Variants in RS1 observed in about 807,000 individuals in gnomAD.
RS1 encodes retinoschisin 1, also known as retinoschisin.
Under a neutral mutation model 20.8 loss-of-function variants are expected in RS1, and 2 were observed. The ratio of observed to expected loss-of-function variants is 0.10; its 90% CI spans 0.04 to 0.30. The LOEUF (loss-of-function observed/expected upper bound fraction) is 0.30. RS1 is among the 10% of genes least tolerant of loss of function. The pLI is 1.00. For missense variants in RS1, 151 were observed against 189.8 expected (o/e 0.80, Z 1.20); for synonymous variants, 70 against 75.8 (o/e 0.92, Z 0.40).
rs533057829 is a variant in RS1 at position 18,664,356 on chromosome X, G to A, written c.53-6691C>T. Among the ~76,000 whole-genome samples, 4 of 112,447 alleles carry A rather than the reference G, an allele frequency of 3.6e-5. No homozygotes were observed. In the South Asian group the frequency reaches 1.1e-3, roughly 31 times the overall value. On this transcript the variant is annotated intron_variant, in intron 1 of 5. Coordinates refer to ENST00000379984, the MANE Select transcript of RS1 (RefSeq NM_000330.4). ...AAAACGTACAAAAGGGGCCGGGCGC[G>A]GTGGCTCACGCCTGTAATCCCAGCA...
Position 18,650,476 on chromosome X carries a change from A to G in RS1, c.185-3144T>C, listed in dbSNP as rs953726340. ...CCGTGCGTCCCAAACCGAGCCCTTC[A>G]TCGTCCAATCTCCAGTCCTGCTCCC... On this transcript the variant is annotated intron_variant, in intron 3 of 5. Coordinates refer to ENST00000379984, the MANE Select transcript of RS1 (RefSeq NM_000330.4). The G allele has an allele frequency of 1.7e-6, 2 of 1,210,164 alleles. No individual in the cohort carries two copies. Among genetic ancestry groups the G allele is most frequent in the South Asian group, 1.8e-5 (1 of 56,859 alleles).
intron 1 of RS1, among the ~76,000 whole-genome samples, chrX:18,666,057 A>G: frequency 9.0e-6 from 1 of 111,306 alleles, no homozygotes; most frequent in Middle Eastern, 4.6e-3. Flanking sequence ...TTCATTGAGC[A>G]TCTACTACAT....
chrX:18,647,662 C>G (rs982317131), intron 3 of RS1: 3 of 283,960 alleles, frequency 1.1e-5, no homozygotes, highest in Non-Finnish European at 1.3e-5. Context: ...ATCTAAAAAC[C>G]AAGAGGTGCA....
At chrX:18,669,319 C>T (rs988759017) in intron 1 of RS1, among the ~76,000 whole-genome samples, 3 of 108,356 alleles carry the variant, frequency 2.8e-5, no homozygotes, top group Non-Finnish European at 3.8e-5. Context: ...GGAGAAACCC[C>T]GTCTCTACTA....
intron 4 of RS1, among the ~76,000 whole-genome samples, chrX:18,646,768 C>T (rs1273692613): frequency 9.0e-6 from 1 of 111,525 alleles, no homozygotes; most frequent in African/African-American, 3.3e-5. Flanking sequence ...CGCCTCTTCC[C>T]CTCCCTCACC....
chrX:18,644,736 G>A, intron 4 of RS1, 111 bp from the exon 5 acceptor site: 1 of 769,901 alleles, frequency 1.3e-6, no homozygotes, highest in Non-Finnish European at 2.0e-6. Flanking sequence ...CCCCTGCCAA[G>A]CTCGGGCAGT....
chrX:18,663,637 C>T (rs1298862625), intron 1 of RS1, among the ~76,000 whole-genome samples: 1 of 111,544 alleles, frequency 9.0e-6, no homozygotes, highest in Non-Finnish European at 1.9e-5. Flanking sequence ...TGAGCCACTG[C>T]ACCCAGCCAA....
rs966612203 is a variant in RS1, at chrX:18,640,771, C to A, written c.*1233G>T. 2 of 112,429 alleles carry A rather than the reference C, an allele frequency of 1.8e-5. No individual in the cohort carries two copies. Among genetic ancestry groups the A allele is most frequent in the East Asian group, 5.6e-4 (2 of 3,549 alleles). The allele number at this position is 112,429 out of a possible 1,213,427, so 9.3% of individuals were successfully genotyped here. ...GCCAGAACAGTCTTTAGAGCAGCCT[C>A]GTCCTCTGATTCCACCACCTGCTCT... is the stretch of plus-strand genomic sequence containing the variant. On this transcript the variant is annotated 3_prime_UTR_variant, in exon 6 of 6. Coordinates refer to ENST00000379984, the MANE Select transcript of RS1 (RefSeq NM_000330.4).
Position 18,661,996 on chromosome X carries a change from GCCTGGGGGTGGAGC to G in RS1, c.53-4345_53-4332del, listed in dbSNP as rs1348774902. The stretch of plus-strand genomic sequence containing the variant: ...TCCTCACCTAGGTCCGTGGGCACAG[GCCTGGGGGTGGAGC>G]CCGAGGCAGGGACCACGCGCTGCCC... On this transcript the variant is annotated intron_variant, in intron 1 of 5. Transcript: ENST00000379984. Among the ~76,000 whole-genome samples the G allele has an allele frequency of 3.6e-5, 4 of 111,976 alleles. No individual in the cohort carries two copies. The Admixed American group carries it at 3.8e-4, about 11-fold the overall frequency.
chrX:18,648,163 G>A (rs1927868322), intron 3 of RS1, among the ~76,000 whole-genome samples: 1 of 111,442 alleles, frequency 9.0e-6, no homozygotes, highest in South Asian at 3.8e-4. Context: ...GGTGGTGCCT[G>A]CAGTGGCAGG....
chrX:18,647,175 C>T lies in RS1; in HGVS notation c.326+16G>A. The T allele has an allele frequency of 8.3e-7, 1 of 1,209,948 alleles. No individual in the cohort carries two copies. Among genetic ancestry groups the T allele is most frequent in the Non-Finnish European group, 1.1e-6 (1 of 895,039 alleles). On this transcript the variant is annotated intron_variant, in intron 4 of 5. Coordinates refer to ENST00000379984, the MANE Select transcript of RS1 (RefSeq NM_000330.4). The stretch of plus-strand genomic sequence containing the variant: ...TTTTAAAAGCACATGAAAAAAAATC[C>T]CCGGGCCCTGCTTACCCAAAGCCTT...
At chrX:18,648,182 C>T (rs1022451748) in intron 3 of RS1, among the ~76,000 whole-genome samples, 2 of 110,840 alleles carry the variant, frequency 1.8e-5, no homozygotes, top group Admixed American at 9.5e-5. Context: ...GGCACAGTGT[C>T]GAGTTACCTG....
At position 18,646,102 on chromosome X, in the gene RS1, G is replaced by T. The variant is rs886042724; in HGVS notation, c.326+1089C>A. On this transcript the variant is annotated intron_variant, in intron 4 of 5. Transcript: ENST00000379984. ...GACAGAACAACAAGGTAGAGTCTGG[G>T]CCCCGCATGCCATCAAGCTGCCATA... 9 of 1,211,378 alleles carry T rather than the reference G, an allele frequency of 7.4e-6. No homozygotes were observed. Among genetic ancestry groups the T allele is most frequent in the Non-Finnish European group, 1.0e-5 (9 of 895,405 alleles).
At chrX:18,644,125 T>C (rs1174352305) in intron 5 of RS1, among the ~76,000 whole-genome samples, 2 of 112,204 alleles carry the variant, frequency 1.8e-5, no homozygotes, top group Non-Finnish European at 3.8e-5. Context: ...GTGCATTCAA[T>C]GATCCAGTGA....
intron 1 of RS1, among the ~76,000 whole-genome samples, chrX:18,666,499 C>T (rs1602323931): frequency 9.0e-6 from 1 of 111,178 alleles, no homozygotes; most frequent in East Asian, 2.8e-4. Context: ...TGGGGGTGTC[C>T]GGGAGCCAGT....
chrX:18,648,061 G>A (rs1243589264), intron 3 of RS1, among the ~76,000 whole-genome samples: 1 of 110,828 alleles, frequency 9.0e-6, no homozygotes, highest in Admixed American at 9.5e-5. Context: ...TTGAGGCTGG[G>A]CACGGTGACT....
In RS1 at chrX:18,641,925, C is replaced by A; in HGVS notation, c.*79G>T. The A allele has an allele frequency of 9.4e-7, 1 of 1,065,845 alleles. No homozygotes were observed. 87.8% of individuals were successfully genotyped at this position (1,065,845 alleles called of 1,213,427 possible). Reference sequence around the variant, plus strand: ...CTTTGCGAAATATAGCCCTGTCCATCTCGGTGGTGTGTGAGGGGGTCCCCT... The same window carrying A: ...CTTTGCGAAATATAGCCCTGTCCATATCGGTGGTGTGTGAGGGGGTCCCCT... On this transcript the variant is annotated 3_prime_UTR_variant, in exon 6 of 6. Transcript: ENST00000379984.
intron 3 of RS1, among the ~76,000 whole-genome samples, chrX:18,656,102 C>T (rs1485470653): frequency 9.4e-6 from 1 of 106,833 alleles, no homozygotes; most frequent in African/African-American, 3.4e-5. Context: ...AGCAATCCTC[C>T]CACCTCAGCC....
chrX:18,657,217 CT>C (rs749358875), intron 2 of RS1, among the ~76,000 whole-genome samples: 48 of 65,133 alleles, frequency 7.4e-4, no homozygotes, highest in East Asian at 5.7e-3. Context: ...AAAAAAAATA[CT>C]TTTTTTTTTT....
Sources: gnomAD v4.1 joint callset for allele counts (sites outside exome capture counted in the v4.1 genomes callset) on GRCh38, gnomAD v4.1.1 for gene constraint, MANE v1.5 for transcripts, NCBI Gene and HGNC (gene_info 2026-07-23, HGNC 2026-07-21) for gene names.